The following KIRREL3 variants were observed in gnomAD, a reference collection of about 807,000 sequenced individuals.
KIRREL3 encodes the protein kin of IRRE-like protein 3.
Under a neutral mutation model 89.7 loss-of-function variants are expected in KIRREL3, and 36 were observed. That is an observed-to-expected ratio of 0.40 (90% CI 0.31 to 0.53). The LOEUF is 0.53. Among genes scored for constraint, KIRREL3 ranks in the 20% least tolerant of loss-of-function variants. The probability of loss-of-function intolerance (pLI) is 0.49; values close to 1 mark genes in which losing one functional copy is unlikely to be tolerated. For missense variants in KIRREL3, 864 were observed against 1,056.6 expected, an observed-to-expected ratio of 0.82 and a Z score of 2.53; for synonymous variants, 445 against 441.4, an observed-to-expected ratio of 1.01 and a Z score of -0.10.
intron 1 of KIRREL3, among the ~76,000 whole-genome samples, chr11:126,737,250 C>T (rs1352934782): frequency 1.3e-5 from 2 of 151,944 alleles, no homozygotes; most frequent in Non-Finnish European, 2.9e-5. Context: ...AGGGATGGGG[C>T]CTGGGGCTCA....
chr11:126,562,352 G>A lies in KIRREL3; in HGVS notation c.133+483C>T, dbSNP rs934837905. Reference sequence around the variant, plus strand: ...AGGGTCAGTGGAGTTGGGAAAGGGGGCAGGTTTCCTAGGGTAAGTTCTTTG... The same window carrying A: ...AGGGTCAGTGGAGTTGGGAAAGGGGACAGGTTTCCTAGGGTAAGTTCTTTG... On this transcript the variant is annotated intron_variant, in intron 2 of 16. Coordinates refer to ENST00000525144, the MANE Select transcript of KIRREL3 (RefSeq NM_032531.4). This position sits in a 1 kb window ranked among gnomAD's most constrained non-coding sequence, Gnocchi z 4.7. 4.6e-5 allele frequency among the ~76,000 whole-genome samples: 7 copies of A among 152,144 alleles called. No individual in the cohort carries two copies. In the South Asian group the frequency reaches 1.2e-3, roughly 27 times the overall value.
intron 1 of KIRREL3, among the ~76,000 whole-genome samples, chr11:126,899,538 A>G (rs1245738498): frequency 6.6e-6 from 1 of 152,298 alleles, no homozygotes; most frequent in East Asian, 1.9e-4. Context: ...CATCTAACCA[A>G]TTTGAAACAA....
At chr11:126,618,376 C>A (rs189960478) in intron 1 of KIRREL3, among the ~76,000 whole-genome samples, 11 of 152,308 alleles carry the variant, frequency 7.2e-5, no homozygotes, top group African/African-American at 1.4e-4. Context: ...GCCTATGGAA[C>A]CAGGAGCCAA....
At chr11:126,826,750 C>T (rs557029242) in intron 1 of KIRREL3, among the ~76,000 whole-genome samples, 29 of 152,320 alleles carry the variant, frequency 1.9e-4, no homozygotes, top group African/African-American at 7.0e-4. Flanking sequence ...CATTTCTACT[C>T]ACCTCTAAGA....
At position 126,709,392 on chromosome 11, in the gene KIRREL3, G is replaced by A. The variant is rs1157015398; in HGVS notation, c.56-146480C>T. 3.9e-5 allele frequency among the ~76,000 whole-genome samples: 6 copies of A among 152,166 alleles called. No individual in the cohort carries two copies. Among genetic ancestry groups the A allele is most frequent in the South Asian group, 4.1e-4 (2 of 4,832 alleles). On this transcript the variant is annotated intron_variant, in intron 1 of 16. Transcript: ENST00000525144. The surrounding 1 kb of genome is among the most constrained non-coding windows in gnomAD (Gnocchi z 4.0). ...CCGGGCAGAAGATGCAGCCAAACAG[G>A]AAAGACAGAGTTCACACCTAACTGG...
At chr11:126,907,669 C>A (rs1946641267) in intron 1 of KIRREL3, among the ~76,000 whole-genome samples, 1 of 152,202 alleles carries the variant, frequency 6.6e-6, no homozygotes, top group Non-Finnish European at 1.5e-5. Context: ...AAGATCAATG[C>A]ATCTTTTCCC....
intron 1 of KIRREL3, among the ~76,000 whole-genome samples, chr11:126,829,141 AG>A (rs2134479161): frequency 6.6e-6 from 1 of 152,324 alleles, no homozygotes; most frequent in East Asian, 1.9e-4. Flanking sequence ...GTGCTGGCGA[AG>A]GCTCCAAGGT....
chr11:126,787,071 C>T (rs1043844661), intron 1 of KIRREL3, among the ~76,000 whole-genome samples: 5 of 152,074 alleles, frequency 3.3e-5, no homozygotes, highest in Admixed American at 6.5e-5. Context: ...GCATTAATGG[C>T]AAGGAAAGGG....
chr11:126,496,681 T>A lies in KIRREL3; in HGVS notation c.434-23215A>T, dbSNP rs1957664947. Among the ~76,000 whole-genome samples the A allele has an allele frequency of 6.6e-6, 1 of 152,064 alleles. No individual in the cohort carries two copies. Among genetic ancestry groups the A allele is most frequent in the Non-Finnish European group, 1.5e-5 (1 of 68,010 alleles). ...GTGTCAAGAGACTGAGGGCTACTCT[T>A]GGCTTCTTGTATCTGCCAAAACCCA... On this transcript the variant is annotated intron_variant, in intron 4 of 16. Coordinates refer to ENST00000525144, the MANE Select transcript of KIRREL3 (RefSeq NM_032531.4). The surrounding 1 kb of genome is among the most constrained non-coding windows in gnomAD (Gnocchi z 4.9).
rs1937783757 is a variant in KIRREL3, at chr11:126,535,558, G to T, written c.134-8871C>A. 6.8e-6 allele frequency among the ~76,000 whole-genome samples: 1 copy of T among 147,460 alleles called. No homozygotes were observed. Among genetic ancestry groups the T allele is most frequent in the Middle Eastern group, 3.4e-3 (1 of 294 alleles). ...GGTGTGATGGTCTTAGGGCAGCACT[G>T]CAGGGTGCTGGGTCGGGTGTGTGTG... On this transcript the variant is annotated intron_variant, in intron 2 of 16. Coordinates refer to ENST00000525144, the MANE Select transcript of KIRREL3 (RefSeq NM_032531.4). This position sits in a 1 kb window ranked among gnomAD's most constrained non-coding sequence, Gnocchi z 4.5.
intron 12 of KIRREL3, among the ~76,000 whole-genome samples, 184 bp downstream of exon 12, chr11:126,436,627 C>T (rs1411791737): frequency 6.6e-6 from 1 of 152,250 alleles, no homozygotes; most frequent in Non-Finnish European, 1.5e-5. Flanking sequence ...GTGCCCCTTG[C>T]TTCAGCGAGA....
chr11:126,613,297 A>C (rs1943208822), intron 1 of KIRREL3, among the ~76,000 whole-genome samples: 1 of 152,148 alleles, frequency 6.6e-6, no homozygotes, highest in African/African-American at 2.4e-5. Flanking sequence ...GCAGTGTTTT[A>C]AGGTTAGATG....
intron 1 of KIRREL3, among the ~76,000 whole-genome samples, chr11:126,980,493 T>C (rs1949691309): frequency 6.6e-6 from 1 of 152,070 alleles, no homozygotes; most frequent in African/African-American, 2.4e-5. Flanking sequence ...CCTATGAAGA[T>C]ACAAGTGGTA....
intron 1 of KIRREL3, among the ~76,000 whole-genome samples, chr11:126,933,873 C>A (rs1173863008): frequency 2.0e-5 from 3 of 150,894 alleles, no homozygotes; most frequent in Non-Finnish European, 2.9e-5. Context: ...GTTAAGATGA[C>A]AATTCTTCCC....
intron 1 of KIRREL3, among the ~76,000 whole-genome samples, chr11:126,926,080 C>A (rs191495478): frequency 6.6e-6 from 1 of 152,348 alleles, no homozygotes; most frequent in Non-Finnish European, 1.5e-5. Flanking sequence ...AACCCCTTAC[C>A]CACACAATCA....
rs146395775 is a variant in KIRREL3, at chr11:126,518,485, G to A, written c.433+2830C>T. Reference sequence around the variant, plus strand: ...ATCTGATTCTGCTTTCGCGTCTTCCGCAGGTTCTAATCAGGCTCTTACTTT... The same window carrying A: ...ATCTGATTCTGCTTTCGCGTCTTCCACAGGTTCTAATCAGGCTCTTACTTT... On this transcript the variant is annotated intron_variant, in intron 4 of 16. Coordinates refer to ENST00000525144, the MANE Select transcript of KIRREL3 (RefSeq NM_032531.4). Among the ~76,000 whole-genome samples the A allele has an allele frequency of 4.6e-5, 7 of 152,352 alleles. No individual in the cohort carries two copies. The East Asian group carries it at 5.8e-4, about 13-fold the overall frequency.
chr11:126,794,755 C>T (rs2134370209), intron 1 of KIRREL3, among the ~76,000 whole-genome samples: 1 of 152,242 alleles, frequency 6.6e-6, no homozygotes, highest in South Asian at 2.1e-4. Flanking sequence ...GGTATTTATC[C>T]AAAGGAGTTT....
rs201756501 is a variant in KIRREL3, at chr11:126,546,785, TA to T, written c.133+16049del. The stretch of plus-strand genomic sequence containing the variant: ...AAGCCTTGCATCCTGTGGTGCTTTA[TA>T]CTTTTTTTCAAAGCATCACGCAATC... On this transcript the variant is annotated intron_variant, in intron 2 of 16. Coordinates refer to ENST00000525144, the MANE Select transcript of KIRREL3 (RefSeq NM_032531.4). Among the ~76,000 whole-genome samples, 853 of 152,328 alleles carry T rather than the reference TA, an allele frequency of 5.6e-3. 7 individuals are homozygous for T. Among genetic ancestry groups the T allele is most frequent in the African/African-American group, 0.019 (775 of 41,566 alleles).
chr11:126,470,847 G>C (rs1484917765), intron 5 of KIRREL3, among the ~76,000 whole-genome samples: 1 of 152,118 alleles, frequency 6.6e-6, no homozygotes, highest in African/African-American at 2.4e-5. Context: ...TTCCCCACCA[G>C]GCCTCAATTT....
Sources: gnomAD v4.1 joint callset for allele counts (sites outside exome capture counted in the v4.1 genomes callset) on GRCh38, gnomAD v4.1.1 for gene constraint, Gnocchi (gnomAD v3.1) non-coding constraint, MANE v1.5 for transcripts, NCBI Gene and HGNC (gene_info 2026-07-23, HGNC 2026-07-21) for gene names.